Variants in ROBO2 observed in about 807,000 individuals in gnomAD.
ROBO2 encodes roundabout homolog 2.
ROBO2 carries 53 observed loss-of-function variants against 160.8 expected under a neutral mutation model. That is an observed-to-expected ratio of 0.33 (90% confidence interval 0.26 to 0.41). ROBO2 has a LOEUF of 0.41. Among genes scored for constraint, ROBO2 ranks in the 10% least tolerant of loss-of-function variants. The pLI is 1.00. For missense variants in ROBO2, 1,577 were observed against 1,722.4 expected (o/e 0.92, Z 1.49); for synonymous variants, 664 against 611.7 (o/e 1.09, Z -1.26).
intron 2 of ROBO2, among the ~76,000 whole-genome samples, chr3:76,538,147 G>T (rs2082614534): frequency 6.0e-5 from 7 of 116,706 alleles, no homozygotes; most frequent in Admixed American, 5.8e-4. Flanking sequence ...AGGCCTGACA[G>T]AACTCACACA....
chr3:76,825,654 A>G (rs1192186054), intron 2 of ROBO2, among the ~76,000 whole-genome samples: 1 of 125,644 alleles, frequency 8.0e-6, no homozygotes, highest in African/African-American at 2.9e-5. Flanking sequence ...TTTTTTCCCT[A>G]TTTTCACAAA....
At chr3:77,528,997 AACAG>A (rs1410129532) in intron 6 of ROBO2, among the ~76,000 whole-genome samples, 2 of 151,626 alleles carry the variant, frequency 1.3e-5, no homozygotes, top group African/African-American at 2.4e-5. Flanking sequence ...ATGATGCAGC[AACAG>A]ACAAAGAAAG....
intron 2 of ROBO2, among the ~76,000 whole-genome samples, chr3:76,935,567 G>C (rs545705877): frequency 6.6e-6 from 1 of 151,956 alleles, no homozygotes; most frequent in Admixed American, 6.6e-5. Flanking sequence ...ACAATAGACT[G>C]GGTAGCTATG....
At chr3:77,319,494 T>A (rs1229589018) in intron 2 of ROBO2, among the ~76,000 whole-genome samples, 1 of 152,168 alleles carries the variant, frequency 6.6e-6, no homozygotes, top group Non-Finnish European at 1.5e-5. Flanking sequence ...ATCTAAGTAG[T>A]CTAGGCCTTT....
chr3:76,295,188 A>T (rs994867516), intron 2 of ROBO2, among the ~76,000 whole-genome samples: 1 of 152,112 alleles, frequency 6.6e-6, no homozygotes, highest in Non-Finnish European at 1.5e-5. Context: ...AGACATACTA[A>T]CTTAGACTCT....
At chr3:76,328,132 A>T (rs980000637) in intron 2 of ROBO2, among the ~76,000 whole-genome samples, 8 of 152,318 alleles carry the variant, frequency 5.3e-5, no homozygotes, top group African/African-American at 9.6e-5. Context: ...ATGACTACAA[A>T]TCATCCAAAA....
chr3:76,112,631 T>C (rs1424175367), intron 2 of ROBO2, among the ~76,000 whole-genome samples: 1 of 152,104 alleles, frequency 6.6e-6, no homozygotes, highest in Non-Finnish European at 1.5e-5. Context: ...AAATCTTCAC[T>C]GTAGACAATG....
intron 2 of ROBO2, among the ~76,000 whole-genome samples, chr3:76,500,051 C>A (rs2080373847): frequency 6.6e-6 from 1 of 152,056 alleles, no homozygotes; most frequent in Non-Finnish European, 1.5e-5. Flanking sequence ...GTCAAACACC[C>A]AAACACCGGT....
intron 2 of ROBO2, among the ~76,000 whole-genome samples, chr3:76,658,177 T>G (rs2091659050): frequency 6.6e-6 from 1 of 151,622 alleles, no homozygotes; most frequent in East Asian, 1.9e-4. Context: ...CTTTTAAAAG[T>G]GCACATTTTC....
intron 2 of ROBO2, among the ~76,000 whole-genome samples, chr3:76,226,398 G>A (rs917856395): frequency 6.6e-6 from 1 of 152,130 alleles, no homozygotes; most frequent in Non-Finnish European, 1.5e-5. Context: ...GTGTGTACAA[G>A]CTGGTGTGTG....
intron 2 of ROBO2, among the ~76,000 whole-genome samples, chr3:76,063,152 T>G (rs1035703047): frequency 1.3e-5 from 2 of 152,130 alleles, no homozygotes; most frequent in African/African-American, 4.8e-5. Context: ...ACTATAGTCT[T>G]TAAAGAGGGA....
At chr3:76,228,377 T>C (rs2107456687) in intron 2 of ROBO2, among the ~76,000 whole-genome samples, 1 of 152,308 alleles carries the variant, frequency 6.6e-6, no homozygotes, top group African/African-American at 2.4e-5. Context: ...ACTTGGTGCA[T>C]TTATCAGCAT....
chr3:77,555,986 TG>T (rs2093104770), intron 8 of ROBO2, among the ~76,000 whole-genome samples: 1 of 151,902 alleles, frequency 6.6e-6, no homozygotes, highest in African/African-American at 2.4e-5. Flanking sequence ...ACTAATTAGA[TG>T]ACCTTTGGCT....
upstream of ROBO2, among the ~76,000 whole-genome samples, chr3:77,035,542 T>C (rs963389607): frequency 6.6e-6 from 1 of 151,980 alleles, no homozygotes; most frequent in Non-Finnish European, 1.5e-5. Flanking sequence ...ACTATTACTA[T>C]ATTTTAGTCA....
At position 77,323,134 on chromosome 3, in the gene ROBO2, A is replaced by C. The variant is rs566185471; in HGVS notation, c.389-154280A>C. On this transcript the variant is annotated intron_variant, in intron 2 of 25. Coordinates refer to ENST00000461745, the Ensembl canonical transcript of ROBO2. The stretch of plus-strand genomic sequence containing the variant: ...ACATATATATTACAATTATAAAAAA[A>C]GTGTATGTAATTACTTGTATCAAAT... 7.5e-5 allele frequency among the ~76,000 whole-genome samples: 11 copies of C among 146,558 alleles called. No homozygotes were observed. In the South Asian group the frequency reaches 2.3e-3, roughly 31 times the overall value.
At chr3:76,823,701 A>G (rs921495991) in intron 2 of ROBO2, among the ~76,000 whole-genome samples, 1 of 152,194 alleles carries the variant, frequency 6.6e-6, no homozygotes, top group African/African-American at 2.4e-5. Context: ...GCAAAGCCCA[A>G]GACCATGTTT....
At chr3:76,646,758 G>A (rs952741114) in intron 2 of ROBO2, among the ~76,000 whole-genome samples, 5 of 152,104 alleles carry the variant, frequency 3.3e-5, no homozygotes, top group African/African-American at 1.2e-4. Flanking sequence ...ATGATGGTTT[G>A]TCTAAGGCAC....
At chr3:76,344,011 C>A (rs1418062283) in intron 2 of ROBO2, among the ~76,000 whole-genome samples, 1 of 151,906 alleles carries the variant, frequency 6.6e-6, no homozygotes, top group Non-Finnish European at 1.5e-5. Flanking sequence ...GCTGTTTTTC[C>A]CCATTCCTTT....
chr3:77,170,528 A>T (rs1483396745), intron 2 of ROBO2, among the ~76,000 whole-genome samples: 3 of 152,188 alleles, frequency 2.0e-5, no homozygotes, highest in African/African-American at 7.2e-5. Flanking sequence ...GTCAGTAAGC[A>T]TTGGTGATTT....
Sources: allele counts gnomAD v4.1 joint callset (sites outside exome capture counted in the v4.1 genomes callset), GRCh38; gene constraint gnomAD v4.1.1; transcripts MANE v1.5; gene names NCBI Gene and HGNC (gene_info 2026-07-23, HGNC 2026-07-21).